The following GPR158 variants were observed in gnomAD, a reference collection of about 807,000 sequenced individuals.
The protein encoded by GPR158 is G protein-coupled receptor 158, also known as metabotropic glycine receptor.
GPR158 carries 30 observed loss-of-function variants against 78.2 expected under a neutral mutation model. The ratio of observed to expected loss-of-function variants is 0.38; its 90% confidence interval spans 0.29 to 0.52. The LOEUF is 0.52. GPR158 is among the 20% of genes least tolerant of loss of function. The probability of loss-of-function intolerance (pLI) is 0.83; values close to 1 mark genes in which losing one functional copy is unlikely to be tolerated. For synonymous variants in GPR158, 581 were observed against 591.1 expected (o/e 0.98, Z 0.25); for missense variants, 1,463 against 1,523.5 (o/e 0.96, Z 0.66).
At chr10:25,360,869 T>A (rs824149) in intron 2 of GPR158, among the ~76,000 whole-genome samples, 1 of 151,878 alleles carries the variant, frequency 6.6e-6, no homozygotes, top group African/African-American at 2.4e-5. Context: ...GCCATTTTCA[T>A]GATATTGATT....
rs1257326031 is a variant in GPR158 at position 25,519,236 on chromosome 10, C to T, written c.1405-31740C>T. 1.2e-3 allele frequency among the ~76,000 whole-genome samples: 158 copies of T among 129,180 alleles called. 1 individual carries two copies. The highest frequency in any genetic ancestry group is 4.8e-3 in the African/African-American group (150 of 31,490). 84.7% of individuals were successfully genotyped at this position (129,180 alleles called of 152,430 possible). A position where few individuals can be genotyped will look rare whatever the true frequency, so the allele number is the denominator to read the frequency against. ...TTTTCCATTTGCTTGGTAGATCTTC[C>T]TCCATCCTTTTATTTTGAGCCTATG... On this transcript the variant is annotated intron_variant, in intron 5 of 10. Coordinates refer to ENST00000376351, the MANE Select transcript of GPR158 (RefSeq NM_020752.3).
intron 4 of GPR158, among the ~76,000 whole-genome samples, chr10:25,434,781 T>C (rs1322523802): frequency 2.6e-5 from 4 of 152,222 alleles, no homozygotes; most frequent in African/African-American, 7.2e-5. Flanking sequence ...TTAAACCTTC[T>C]TTTATGTCAG....
At chr10:25,254,726 G>A (rs1368855508) in intron 2 of GPR158, among the ~76,000 whole-genome samples, 1 of 152,146 alleles carries the variant, frequency 6.6e-6, no homozygotes, top group East Asian at 1.9e-4. Context: ...TTAGAAAACA[G>A]TTGAGTATGT....
At chr10:25,436,798 G>A (rs1362052913) in intron 4 of GPR158, among the ~76,000 whole-genome samples, 1 of 152,192 alleles carries the variant, frequency 6.6e-6, no homozygotes, top group East Asian at 1.9e-4. Context: ...GAAAAAAATA[G>A]CATGTTGACT....
intron 4 of GPR158, among the ~76,000 whole-genome samples, chr10:25,459,628 A>C (rs1211568037): frequency 6.6e-6 from 1 of 152,204 alleles, no homozygotes; most frequent in East Asian, 1.9e-4. Flanking sequence ...CATTTTAATT[A>C]CTTCTAAAAA....
At chr10:25,502,654 T>C (rs549866361) in intron 5 of GPR158, among the ~76,000 whole-genome samples, 1 of 152,280 alleles carries the variant, frequency 6.6e-6, no homozygotes, top group East Asian at 1.9e-4. Flanking sequence ...GAGTTGCTAA[T>C]TCCCAAGGAC....
intron 6 of GPR158, among the ~76,000 whole-genome samples, chr10:25,567,782 G>A (rs1312677642): frequency 6.6e-6 from 1 of 152,120 alleles, no homozygotes; most frequent in African/African-American, 2.4e-5. Flanking sequence ...TGTAAACAGG[G>A]AAGCAATACG....
Position 25,360,608 on chromosome 10 carries a change from A to G in GPR158, c.1009-35303A>G, listed in dbSNP as rs555239478. 1.1e-4 allele frequency among the ~76,000 whole-genome samples: 17 copies of G among 152,040 alleles called. No individual in the cohort carries two copies. The South Asian group carries it at 3.1e-3, about 28-fold the overall frequency. On this transcript the variant is annotated intron_variant, in intron 2 of 10. Transcript: ENST00000376351. Reference sequence around the variant, plus strand: ...AGCCTCTGTTCTGTTCCATTGGTCTATATATCTGTTTTGGCTGTTTTGGTA... The same window carrying G: ...AGCCTCTGTTCTGTTCCATTGGTCTGTATATCTGTTTTGGCTGTTTTGGTA...
chr10:25,275,431 G>C (rs1362237921), intron 2 of GPR158, among the ~76,000 whole-genome samples: 1 of 152,130 alleles, frequency 6.6e-6, no homozygotes, highest in African/African-American at 2.4e-5. Context: ...TTAAACTCTT[G>C]TTCTCTCCGT....
intron 2 of GPR158, among the ~76,000 whole-genome samples, chr10:25,221,393 T>G (rs1056121689): frequency 6.6e-6 from 1 of 152,192 alleles, no homozygotes; most frequent in Non-Finnish European, 1.5e-5. Context: ...TTGACTTTAG[T>G]CAAAGCCTGG....
At chr10:25,370,791 G>A (rs1833977484) in intron 2 of GPR158, among the ~76,000 whole-genome samples, 2 of 150,366 alleles carry the variant, frequency 1.3e-5, no homozygotes, top group Non-Finnish European at 3.0e-5. Flanking sequence ...CATTGTTATT[G>A]TGTGGGAGTC....
At chr10:25,495,619 C>CCATAT (rs1835870454) in intron 5 of GPR158, among the ~76,000 whole-genome samples, 1 of 151,754 alleles carries the variant, frequency 6.6e-6, no homozygotes, top group Non-Finnish European at 1.5e-5. Flanking sequence ...TTGTATGCTA[C>CCATAT]CATGTCATTC....
intron 2 of GPR158, among the ~76,000 whole-genome samples, chr10:25,296,813 A>C (rs1257573647): frequency 6.6e-6 from 1 of 152,202 alleles, no homozygotes; most frequent in Non-Finnish European, 1.5e-5. Context: ...ACAGTTACAC[A>C]TTTAGGGAGT....
chr10:25,188,413 A>G (rs1352778584), intron 1 of GPR158, among the ~76,000 whole-genome samples: 1 of 152,256 alleles, frequency 6.6e-6, no homozygotes, highest in African/African-American at 2.4e-5. Context: ...CCAAAACAGC[A>G]TGGTACTGGT....
chr10:25,316,746 A>G (rs1441324994), intron 2 of GPR158, among the ~76,000 whole-genome samples: 1 of 152,232 alleles, frequency 6.6e-6, no homozygotes, highest in African/African-American at 2.4e-5. Context: ...AATTTAAAAT[A>G]TCAAAGAAAA....
chr10:25,431,451 C>T (rs552465768), intron 4 of GPR158, among the ~76,000 whole-genome samples: 21 of 144,012 alleles, frequency 1.5e-4, no homozygotes, highest in South Asian at 4.8e-4. Context: ...GTCAGTGTGG[C>T]GATTCCTCAG....
At chr10:25,372,066 C>CA (rs1331963274) in intron 2 of GPR158, among the ~76,000 whole-genome samples, 1 of 143,322 alleles carries the variant, frequency 7.0e-6, no homozygotes, top group Non-Finnish European at 1.5e-5. Flanking sequence ...AGACACTTCT[C>CA]AAAAGAAGAC....
At chr10:25,260,416 TGGTCACTACCAATTCAG>T (rs1219340018) in intron 2 of GPR158, among the ~76,000 whole-genome samples, 3 of 152,138 alleles carry the variant, frequency 2.0e-5, no homozygotes, top group Non-Finnish European at 4.4e-5. Flanking sequence ...TTTGTTAGCA[TGGTCACTACCAATTCAG>T]GATCACTTCA....
Position 25,212,086 on chromosome 10 carries a change from T to C in GPR158, c.903-8966T>C, listed in dbSNP as rs1238657635. Among the ~76,000 whole-genome samples, 3 of 152,224 alleles carry C rather than the reference T, an allele frequency of 2.0e-5. No homozygotes were observed. The East Asian group carries it at 5.8e-4, about 29-fold the overall frequency. Reference sequence around the variant, plus strand: ...ATTTTATACTTTCATTTGATGAGAATTGACATTTTTATTTCAATGAATTAT... The same window carrying C: ...ATTTTATACTTTCATTTGATGAGAACTGACATTTTTATTTCAATGAATTAT... On this transcript the variant is annotated intron_variant, in intron 1 of 10. Transcript: ENST00000376351.
Sources: allele counts gnomAD v4.1 joint callset (sites outside exome capture counted in the v4.1 genomes callset), GRCh38; gene constraint gnomAD v4.1.1; transcripts MANE v1.5; gene names NCBI Gene and HGNC (gene_info 2026-07-23, HGNC 2026-07-21).